The following FAM168A variants were observed in gnomAD, a reference collection of about 807,000 sequenced individuals.
FAM168A encodes the protein family with sequence similarity 168 member A.
A neutral mutation model predicts 28.5 loss-of-function variants in FAM168A; 3 were observed. That is an observed-to-expected ratio of 0.11 (90% CI 0.05 to 0.27). FAM168A has a LOEUF of 0.27. Among genes scored for constraint, FAM168A ranks in the 10% least tolerant of loss-of-function variants. FAM168A has a pLI of 1.00. For synonymous variants in FAM168A, 122 were observed against 124.2 expected, an observed-to-expected ratio of 0.98 and a Z score of 0.12; for missense variants, 222 against 311.5, an observed-to-expected ratio of 0.71 and a Z score of 2.16.
chr11:73,429,528 C>T (rs1273649452), intron 3 of FAM168A, among the ~76,000 whole-genome samples: 3 of 152,148 alleles, frequency 2.0e-5, no homozygotes, highest in African/African-American at 7.2e-5. Flanking sequence ...TTAGCCACTC[C>T]CCTACTTCTA....
intron 1 of FAM168A, among the ~76,000 whole-genome samples, chr11:73,489,532 C>T (rs1293817089): frequency 1.3e-4 from 16 of 127,534 alleles, no homozygotes; most frequent in African/African-American, 2.8e-4. Context: ...TTTTGGATAT[C>T]GGGTCTTTTG....
intron 1 of FAM168A, among the ~76,000 whole-genome samples, chr11:73,521,476 A>G (rs948032626): frequency 3.3e-5 from 5 of 152,106 alleles, no homozygotes; most frequent in African/African-American, 9.7e-5. Flanking sequence ...AAAAACAAAA[A>G]AAGAAGAAGA....
intron 1 of FAM168A, among the ~76,000 whole-genome samples, chr11:73,480,331 C>A (rs1867950143): frequency 6.6e-6 from 1 of 152,010 alleles, no homozygotes; most frequent in African/African-American, 2.4e-5. Context: ...TTTAGCTAAT[C>A]AAAACCACAA....
intron 1 of FAM168A, among the ~76,000 whole-genome samples, chr11:73,570,778 G>A (rs1343487152): frequency 6.6e-6 from 1 of 150,640 alleles, no homozygotes; most frequent in Non-Finnish European, 1.5e-5. Flanking sequence ...AAATATTTAA[G>A]TATCATAAAA....
chr11:73,496,691 G>T (rs56742470), intron 1 of FAM168A, among the ~76,000 whole-genome samples: 12,571 of 152,120 alleles, frequency 0.083, 648 homozygotes, highest in Non-Finnish European at 0.11. Flanking sequence ...CTCCCGAGTA[G>T]CTGGGACTAC....
chr11:73,558,831 C>G (rs1450147936), intron 1 of FAM168A, among the ~76,000 whole-genome samples: 3 of 151,882 alleles, frequency 2.0e-5, no homozygotes, highest in African/African-American at 7.3e-5. Context: ...AAATATGAAC[C>G]CTCAAACATT....
At chr11:73,499,822 G>C (rs1854970100) in intron 1 of FAM168A, among the ~76,000 whole-genome samples, 1 of 151,958 alleles carries the variant, frequency 6.6e-6, no homozygotes, top group Non-Finnish European at 1.5e-5. Context: ...GACAAAAATA[G>C]AGAAAAAAGA....
intron 6 of FAM168A, among the ~76,000 whole-genome samples, chr11:73,407,910 C>T (rs1330791338): frequency 6.6e-6 from 1 of 152,218 alleles, no homozygotes; most frequent in Non-Finnish European, 1.5e-5. Context: ...CTCGCTCTGT[C>T]GCCCAGGCTG....
At chr11:73,447,894 T>C (rs1430587134) in intron 2 of FAM168A, among the ~76,000 whole-genome samples, 3 of 152,208 alleles carry the variant, frequency 2.0e-5, no homozygotes, top group African/African-American at 7.2e-5. Flanking sequence ...CCTAATTTTG[T>C]CATTTCAAAC....
chr11:73,461,408 G>A (rs1331136657), intron 2 of FAM168A, among the ~76,000 whole-genome samples: 1 of 152,140 alleles, frequency 6.6e-6, no homozygotes, highest in Non-Finnish European at 1.5e-5. Context: ...ATGAGCCACG[G>A]CACATGGCCC....
intron 1 of FAM168A, among the ~76,000 whole-genome samples, chr11:73,547,142 G>A (rs1175299098): frequency 6.8e-6 from 1 of 147,326 alleles, no homozygotes; most frequent in Non-Finnish European, 1.5e-5. Context: ...AAAAGGAGGA[G>A]GAGTAGGCAG....
intron 1 of FAM168A, among the ~76,000 whole-genome samples, chr11:73,503,134 T>C (rs1407844567): frequency 1.3e-5 from 2 of 152,156 alleles, no homozygotes; most frequent in Non-Finnish European, 2.9e-5. Flanking sequence ...CAACATAGTA[T>C]TGGAAGTTCT....
At chr11:73,424,927 T>G in intron 3 of FAM168A, 5 of 1,036,640 alleles carry the variant, frequency 4.8e-6, no homozygotes, top group Non-Finnish European at 6.8e-6. Context: ...GCCTAGGGGA[T>G]GGGATTTGGG....
chr11:73,572,759 G>A (rs1393563886), intron 1 of FAM168A, among the ~76,000 whole-genome samples: 1 of 151,306 alleles, frequency 6.6e-6, no homozygotes, highest in Non-Finnish European at 1.5e-5. Flanking sequence ...AGGGTCCTCT[G>A]CCTAGGAAAA....
At position 73,565,237 on chromosome 11, in the gene FAM168A, G is replaced by A. The variant is rs117963715; in HGVS notation, c.-19+32686C>T. 6.1e-3 allele frequency among the ~76,000 whole-genome samples: 929 copies of A among 152,270 alleles called. 4 individuals carry two copies. The highest frequency in any genetic ancestry group is 9.5e-3 in the Non-Finnish European group (647 of 68,028). Reference sequence around the variant, plus strand: ...ATCTAAGCATGGAATGGGATATTCTGTCATTTCCCAGCATTTTGGCTTCCT... The same window carrying A: ...ATCTAAGCATGGAATGGGATATTCTATCATTTCCCAGCATTTTGGCTTCCT... On this transcript the variant is annotated intron_variant, in intron 1 of 7. Transcript: ENST00000356467.
At chr11:73,521,616 C>G (rs1295659483) in intron 1 of FAM168A, among the ~76,000 whole-genome samples, 1 of 152,144 alleles carries the variant, frequency 6.6e-6, no homozygotes, top group East Asian at 1.9e-4. Context: ...GATAAAACAA[C>G]CACAGATTAT....
rs537303573 is a variant in FAM168A at position 73,405,812 on chromosome 11, C to T, written c.*951G>A. 1 of 152,398 alleles carries T rather than the reference C, an allele frequency of 6.6e-6. No individual in the cohort carries two copies. Among genetic ancestry groups the T allele is most frequent in the African/African-American group, 2.4e-5 (1 of 41,580 alleles). The allele number at this position is 152,398 out of a possible 1,614,324, so 9.4% of individuals were successfully genotyped here. ...GGGAGAGAAATGCCCTAGGTTCCCA[C>T]TCCAATCAGGAGGAAGCTCCTCATC... On this transcript the variant is annotated 3_prime_UTR_variant, in exon 8 of 8. Transcript: ENST00000356467.
chr11:73,551,060 G>A (rs187468400), intron 1 of FAM168A, among the ~76,000 whole-genome samples: 75 of 149,500 alleles, frequency 5.0e-4, no homozygotes, highest in African/African-American at 1.6e-3. Context: ...GCAGTGAGCC[G>A]AGATCGCGCC....
intron 1 of FAM168A, among the ~76,000 whole-genome samples, chr11:73,561,726 A>C (rs1943961050): frequency 6.6e-6 from 1 of 152,142 alleles, no homozygotes; most frequent in South Asian, 2.1e-4. Context: ...TTTTTAATTC[A>C]CAAACCAAGA....
Sources: gnomAD v4.1 joint callset for allele counts (sites outside exome capture counted in the v4.1 genomes callset) on GRCh38, gnomAD v4.1.1 for gene constraint, MANE v1.5 for transcripts, NCBI Gene and HGNC (gene_info 2026-07-23, HGNC 2026-07-21) for gene names.